PRPF39: variants seen among roughly 807,000 people sequenced by gnomAD.
PRPF39 encodes pre-mRNA-processing factor 39.
PRPF39 carries 27 observed loss-of-function variants against 82.1 expected under a neutral mutation model. The ratio of observed to expected loss-of-function variants is 0.33; its 90% confidence interval spans 0.24 to 0.45. PRPF39 has a LOEUF of 0.45. Ranked by LOEUF, PRPF39 falls within the 20% of genes least tolerant of loss-of-function variation. The pLI is 1.00. For synonymous variants in PRPF39, 261 were observed against 256.4 expected, an observed-to-expected ratio of 1.02 and a Z score of -0.17; for missense variants, 581 against 796.9, an observed-to-expected ratio of 0.73 and a Z score of 3.26.
At chr14:45,090,444 C>A (rs1429225730) in intron 1 of PRPF39, among the ~76,000 whole-genome samples, 1 of 151,848 alleles carries the variant, frequency 6.6e-6, no homozygotes, top group Non-Finnish European at 1.5e-5. Context: ...TTGCTTTTAC[C>A]CTTCTACTTC....
chr14:45,089,361 C>T (rs994376287), intron 1 of PRPF39, among the ~76,000 whole-genome samples: 3 of 152,208 alleles, frequency 2.0e-5, no homozygotes, highest in African/African-American at 7.2e-5. Flanking sequence ...ATCCCTTCCT[C>T]AATGAGCAGT....
In PRPF39 at chr14:45,115,394, G is replaced by A. The variant is rs1202282017; in HGVS notation, c.*481G>A. The A allele has an allele frequency of 6.6e-6, 1 of 151,984 alleles. No individual in the cohort carries two copies. The highest frequency in any genetic ancestry group is 1.5e-5 in the Non-Finnish European group (1 of 67,970). 9.4% of individuals were successfully genotyped at this position (151,984 alleles called of 1,614,324 possible). A position where few individuals can be genotyped will look rare whatever the true frequency, so the allele number is the denominator to read the frequency against. ...TGAATTGTGATCTAACTGCAGAAAGGATACATTATTAAAATACTTTGCCTT... is the reference window on the plus strand; with the variant it reads ...TGAATTGTGATCTAACTGCAGAAAGAATACATTATTAAAATACTTTGCCTT... On this transcript the variant is annotated 3_prime_UTR_variant, in exon 14 of 14. Coordinates refer to ENST00000355765, the MANE Select transcript of PRPF39 (RefSeq NM_017922.4).
chr14:45,116,008 T>G lies in PRPF39; in HGVS notation c.*1095T>G. 1.8e-6 allele frequency: 1 copy of G among 550,816 alleles called. No homozygotes were observed. 34.1% of individuals were successfully genotyped at this position (550,816 alleles called of 1,614,324 possible). A position where few individuals can be genotyped will look rare whatever the true frequency, so the allele number is the denominator to read the frequency against. On this transcript the variant is annotated 3_prime_UTR_variant, in exon 14 of 14. Coordinates refer to ENST00000355765, the MANE Select transcript of PRPF39 (RefSeq NM_017922.4). ...TTTACACAGCTGTAGGAAAGTATTT[T>G]AGACCAGGGATTCATAAGGGATTTA...
At chr14:45,087,876 T>C (rs985077873) in intron 1 of PRPF39, among the ~76,000 whole-genome samples, 1 of 151,888 alleles carries the variant, frequency 6.6e-6, no homozygotes, top group Non-Finnish European at 1.5e-5. Context: ...CGTGAGCCAC[T>C]GCGCCCGGCC....
intron 4 of PRPF39, 30 bp downstream of exon 4, chr14:45,097,035 T>C: frequency 6.7e-7 from 1 of 1,498,732 alleles, no homozygotes; most frequent in South Asian, 1.4e-5. Flanking sequence ...TGAAATGTTT[T>C]TTATGATATA....
intron 4 of PRPF39, among the ~76,000 whole-genome samples, chr14:45,098,933 G>GCA (rs1179663268): frequency 2.0e-5 from 3 of 152,290 alleles, no homozygotes; most frequent in Non-Finnish European, 4.4e-5. Flanking sequence ...TAATTTTAAG[G>GCA]TTTGGTAAGC....
In PRPF39 at chr14:45,116,013, CAGGGATTCATA is replaced by C. The variant is rs1884824636; in HGVS notation, c.*1108_*1118del. 1.8e-6 allele frequency: 1 copy of C among 547,806 alleles called. No individual in the cohort carries two copies. The allele number at this position is 547,806 out of a possible 1,614,324, so 33.9% of individuals were successfully genotyped here. A position where few individuals can be genotyped will look rare whatever the true frequency, so the allele number is the denominator to read the frequency against. On this transcript the variant is annotated 3_prime_UTR_variant, in exon 14 of 14. Transcript: ENST00000355765. Reference sequence around the variant, plus strand: ...ACAGCTGTAGGAAAGTATTTTAGACCAGGGATTCATAAGGGATTTATCTCTCAAAAGCTGGG... The same window carrying C: ...ACAGCTGTAGGAAAGTATTTTAGACCAGGGATTTATCTCTCAAAAGCTGGG...
chr14:45,108,386 A>G, intron 6 of PRPF39, 29 bp from the exon 7 acceptor site: 1 of 1,559,766 alleles, frequency 6.4e-7, no homozygotes. Flanking sequence ...AGTTTGTGAG[A>G]TTTATTTTTT....
At chr14:45,084,890 T>A (rs943627400) in intron 1 of PRPF39, among the ~76,000 whole-genome samples, 1 of 152,240 alleles carries the variant, frequency 6.6e-6, no homozygotes, top group Non-Finnish European at 1.5e-5. Context: ...AGTTAATTAA[T>A]ACTTGAAGTT....
At chr14:45,085,938 A>G (rs17115809) in intron 1 of PRPF39, among the ~76,000 whole-genome samples, 24,383 of 148,332 alleles carry the variant, frequency 0.16, 3,598 homozygotes, top group African/African-American at 0.41. Flanking sequence ...GGCATACAGA[A>G]AAAAAAAAAA....
intron 5 of PRPF39, 54 bp from the exon 6 acceptor site, chr14:45,107,397 T>C (rs1884567920): frequency 7.7e-7 from 1 of 1,305,022 alleles, no homozygotes; most frequent in Admixed American, 2.3e-5. Flanking sequence ...GGAATCTCAA[T>C]ATGAGATCTA....
intron 8 of PRPF39, 129 bp downstream of exon 8, chr14:45,109,909 C>CA (rs1421190194): frequency 7.9e-6 from 12 of 1,514,478 alleles, no homozygotes; most frequent in Non-Finnish European, 1.1e-5. Context: ...GGTCTGCTTG[C>CA]AACCAGATTT....
intron 5 of PRPF39, among the ~76,000 whole-genome samples, chr14:45,103,497 T>C (rs1884437619): frequency 6.6e-6 from 1 of 152,134 alleles, no homozygotes; most frequent in Non-Finnish European, 1.5e-5. Context: ...CTTAGGTACT[T>C]TTTAAGTGAG....
At chr14:45,085,001 T>C (rs879364095) in intron 1 of PRPF39, among the ~76,000 whole-genome samples, 1 of 152,192 alleles carries the variant, frequency 6.6e-6, no homozygotes, top group Non-Finnish European at 1.5e-5. Context: ...TCATATGGCC[T>C]TCTGTTTGAG....
chr14:45,096,435 C>T (rs1020637318), intron 3 of PRPF39: 4 of 1,488,704 alleles, frequency 2.7e-6, no homozygotes, highest in East Asian at 5.7e-5. Flanking sequence ...TGCGTTAAAC[C>T]TCTACAGTTT....
chr14:45,086,021 G>A (rs890235788), intron 1 of PRPF39, among the ~76,000 whole-genome samples: 1 of 151,566 alleles, frequency 6.6e-6, no homozygotes, highest in African/African-American at 2.4e-5. Flanking sequence ...TTGGCTCACC[G>A]CAACCTCCGC....
At chr14:45,094,876 C>T (rs1884149776) in intron 1 of PRPF39, among the ~76,000 whole-genome samples, 1 of 152,112 alleles carries the variant, frequency 6.6e-6, no homozygotes, top group Non-Finnish European at 1.5e-5. Context: ...AACATTCAGG[C>T]ACCGAATCAG....
chr14:45,104,654 G>T (rs1438991656), intron 5 of PRPF39, among the ~76,000 whole-genome samples: 1 of 152,162 alleles, frequency 6.6e-6, no homozygotes, highest in Non-Finnish European at 1.5e-5. Flanking sequence ...TATTGTGCTT[G>T]TGCATTAGGC....
At chr14:45,095,099 G>C in intron 1 of PRPF39, 122 bp from the exon 2 acceptor site, 3 of 576,210 alleles carry the variant, frequency 5.2e-6, no homozygotes, top group Non-Finnish European at 9.1e-6. Flanking sequence ...ACTTGTAGGG[G>C]ATTAAGACTC....
Sources: allele counts gnomAD v4.1 joint callset (sites outside exome capture counted in the v4.1 genomes callset), GRCh38; gene constraint gnomAD v4.1.1; transcripts MANE v1.5; gene names NCBI Gene and HGNC (gene_info 2026-07-23, HGNC 2026-07-21).